UPP2: variants seen among roughly 807,000 people sequenced by gnomAD.
The protein encoded by UPP2 is uridine phosphorylase 2, also known as UPase 2.
Under a neutral mutation model 26.7 loss-of-function variants are expected in UPP2, and 23 were observed. The ratio of observed to expected loss-of-function variants is 0.86; its 90% CI spans 0.62 to 1.22. The LOEUF is 1.22. Among genes scored for constraint, UPP2 ranks in the 50% most tolerant of loss-of-function variants. The pLI is 0.00. For missense variants in UPP2, 387 were observed against 396.7 expected, an observed-to-expected ratio of 0.98 and a Z score of 0.21; for synonymous variants, 127 against 141.3, an observed-to-expected ratio of 0.90 and a Z score of 0.72.
intron 2 of UPP2, among the ~76,000 whole-genome samples, chr2:157,999,137 C>A (rs1159596039): frequency 1.3e-5 from 2 of 152,018 alleles, no homozygotes; most frequent in African/African-American, 4.8e-5. Flanking sequence ...TTGTATTTTT[C>A]AACTCTAGAA....
At chr2:158,091,758 C>G (rs1036491959) in intron 3 of UPP2, among the ~76,000 whole-genome samples, 4 of 152,192 alleles carry the variant, frequency 2.6e-5, no homozygotes, top group Non-Finnish European at 5.9e-5. Flanking sequence ...TTACATGCTT[C>G]TCTTCCTCCA....
At chr2:158,086,722 AT>A (rs1682823614) in intron 3 of UPP2, among the ~76,000 whole-genome samples, 1 of 152,086 alleles carries the variant, frequency 6.6e-6, no homozygotes, top group Non-Finnish European at 1.5e-5. Context: ...GAATTTTTTA[AT>A]TTCCATCTTG....
chr2:158,057,134 C>T (rs1383019109), intron 3 of UPP2, among the ~76,000 whole-genome samples: 1 of 152,210 alleles, frequency 6.6e-6, no homozygotes, highest in Non-Finnish European at 1.5e-5. Flanking sequence ...CAAGGGTACA[C>T]AGTGTCAACA....
chr2:158,036,543 T>C (rs1684002943), intron 3 of UPP2, among the ~76,000 whole-genome samples: 1 of 152,210 alleles, frequency 6.6e-6, no homozygotes, highest in Non-Finnish European at 1.5e-5. Flanking sequence ...CTATAGCCAG[T>C]GGTGCCATTT....
upstream of UPP2, among the ~76,000 whole-genome samples, chr2:158,099,073 T>G (rs969898823): frequency 6.6e-6 from 1 of 152,208 alleles, no homozygotes; most frequent in Non-Finnish European, 1.5e-5. Context: ...GAATTTACAC[T>G]TAGTATATGT....
chr2:158,064,827 C>T (rs1682409645), intron 3 of UPP2, among the ~76,000 whole-genome samples: 1 of 152,112 alleles, frequency 6.6e-6, no homozygotes, highest in South Asian at 2.1e-4. Context: ...TTTCCCAACA[C>T]CATTTATTAA....
At chr2:158,081,316 T>C (rs1360655268) in intron 3 of UPP2, among the ~76,000 whole-genome samples, 1 of 152,208 alleles carries the variant, frequency 6.6e-6, no homozygotes, top group East Asian at 1.9e-4. Context: ...TATTGCACTA[T>C]GTTCTTATTT....
At chr2:158,118,295 A>G (rs1336351676) in intron 4 of UPP2, among the ~76,000 whole-genome samples, 1 of 151,942 alleles carries the variant, frequency 6.6e-6, no homozygotes, top group Non-Finnish European at 1.5e-5. Context: ...AGTAAAAAAA[A>G]AAATCATAAA....
chr2:158,103,739 T>C (rs1303296329), intron 1 of UPP2, among the ~76,000 whole-genome samples: 1 of 152,204 alleles, frequency 6.6e-6, no homozygotes, highest in Non-Finnish European at 1.5e-5. Flanking sequence ...AATGCAGATT[T>C]TGATTCAGCA....
At position 158,115,196 on chromosome 2, in the gene UPP2, A is replaced by G. The variant is rs1683401894; in HGVS notation, c.276A>G (p.Lys92=). The G allele has an allele frequency of 6.2e-6, 10 of 1,613,932 alleles. No individual in the cohort carries two copies. The East Asian group carries it at 2.2e-4, about 36-fold the overall frequency. The change falls in exon 3 of 7, where the codon AAA becomes AAG. Residue 92 remains lysine, a synonymous_variant. Transcript: ENST00000005756. ...LGFEEAEEDI[K]DICAGTDRYC... ...TTGAGGAAGCTGAAGAAGACATAAA[A>G]GACATCTGTGCTGGGACAGACAGAT...
intron 3 of UPP2, among the ~76,000 whole-genome samples, chr2:158,081,246 T>C (rs908942140): frequency 1.1e-4 from 16 of 152,214 alleles, no homozygotes; most frequent in African/African-American, 2.7e-4. Flanking sequence ...ATATTTCTAA[T>C]GCTTAACAAA....
intron 3 of UPP2, among the ~76,000 whole-genome samples, chr2:158,062,883 T>A (rs1190050294): frequency 6.6e-6 from 1 of 152,152 alleles, no homozygotes; most frequent in Non-Finnish European, 1.5e-5. Flanking sequence ...TTATGAGAGG[T>A]GTGAAACTTG....
chr2:158,068,803 T>TATATATATATATATA (rs1491232938), intron 3 of UPP2, among the ~76,000 whole-genome samples: 34 of 13,978 alleles, frequency 2.4e-3, no homozygotes, highest in East Asian at 7.8e-3. Flanking sequence ...TATATATATA[T>TATATATATATATATA]TTTTTTTTTT....
chr2:158,069,662 A>G (rs1462945907), intron 3 of UPP2, among the ~76,000 whole-genome samples: 1 of 152,166 alleles, frequency 6.6e-6, no homozygotes, highest in African/African-American at 2.4e-5. Flanking sequence ...CTGACACCCT[A>G]GAGCGAGGAT....
chr2:158,057,962 T>C (rs1682274632), intron 3 of UPP2, among the ~76,000 whole-genome samples: 1 of 152,014 alleles, frequency 6.6e-6, no homozygotes, highest in African/African-American at 2.4e-5. Context: ...GTGATAAGGG[T>C]AGGCTTTAAT....
At chr2:158,006,698 A>G (rs1301126548) in intron 2 of UPP2, among the ~76,000 whole-genome samples, 1 of 152,126 alleles carries the variant, frequency 6.6e-6, no homozygotes, top group African/African-American at 2.4e-5. Context: ...TTGGCAAACA[A>G]GCTAACAAAC....
In UPP2 at chr2:158,106,176, C is replaced by A. The variant is rs2105214690; in HGVS notation, c.140C>A (p.Thr47Lys). Residue 47 changes from threonine to lysine, a missense_variant, in exon 2 of 7, where the codon ACA becomes AAA. Thr to Lys is a moderately conservative substitution (Grantham distance 78, BLOSUM62 -1). Coordinates refer to ENST00000005756, the MANE Select transcript of UPP2 (RefSeq NM_173355.4). ...ATTCTCTATCACTTGGATTTGGGAA[C>A]AAAAACACACAACCTACCAGCAATG... is the stretch of plus-strand genomic sequence containing the variant. The part of the protein sequence containing the change: ...EDILYHLDLG[T>K]KTHNLPAMFG... 2 of 1,611,906 alleles carry A rather than the reference C, an allele frequency of 1.2e-6. No individual in the cohort carries two copies. Among genetic ancestry groups the A allele is most frequent in the African/African-American group, 1.3e-5 (1 of 74,866 alleles).
chr2:158,102,440 G>C (rs560593733), intron 1 of UPP2, among the ~76,000 whole-genome samples: 2 of 152,262 alleles, frequency 1.3e-5, no homozygotes, highest in South Asian at 4.1e-4. Flanking sequence ...ACTCACTATA[G>C]AGTTCAGCCC....
At chr2:158,100,775 A>G (rs1258475688), upstream of UPP2, among the ~76,000 whole-genome samples, 1 of 152,222 alleles carries the variant, frequency 6.6e-6, no homozygotes, top group East Asian at 1.9e-4. Context: ...GCACAGTTGC[A>G]AACGTCTAGT....
Sources: gnomAD v4.1 joint callset for allele counts (sites outside exome capture counted in the v4.1 genomes callset) on GRCh38, gnomAD v4.1.1 for gene constraint, MANE v1.5 for transcripts, NCBI Gene and HGNC (gene_info 2026-07-23, HGNC 2026-07-21) for gene names.